The following LRGUK variants were observed in gnomAD, a reference collection of about 807,000 sequenced individuals.
LRGUK encodes the protein leucine-rich repeat and guanylate kinase domain-containing protein.
In LRGUK, 65 loss-of-function variants were observed where a neutral mutation model predicts 76.0. The observed-to-expected ratio is 0.85, with a 90% CI of 0.70 to 1.05. The LOEUF (loss-of-function observed/expected upper bound fraction) is 1.05. Ranked by LOEUF, LRGUK falls within the 50% of genes least tolerant of loss-of-function variation. LRGUK has a pLI of 0.00. For synonymous variants in LRGUK, 268 were observed against 265.6 expected (o/e 1.01, Z -0.09); for missense variants, 758 against 732.8 (o/e 1.03, Z -0.40).
chr7:134,132,224 A>G (rs1797341822), intron 1 of LRGUK, among the ~76,000 whole-genome samples: 1 of 152,112 alleles, frequency 6.6e-6, no homozygotes, highest in South Asian at 2.1e-4. Flanking sequence ...CCATAGTGGT[A>G]TGCACCTGTA....
At chr7:134,202,393 A>C (rs935057013) in intron 15 of LRGUK, among the ~76,000 whole-genome samples, 1 of 152,052 alleles carries the variant, frequency 6.6e-6, no homozygotes, top group Non-Finnish European at 1.5e-5. Flanking sequence ...TATTGGCAGG[A>C]GTGTAAAATG....
At chr7:134,275,221 A>G in the LRGUK span, among the ~76,000 whole-genome samples, 80 of 152,090 alleles carry the variant, frequency 5.3e-4, no homozygotes, top group Non-Finnish European at 1.1e-3. Flanking sequence ...TTTTTTTCAA[A>G]TACATCTTTA....
chr7:134,129,142 CCCTT>C (rs146209989), intron 1 of LRGUK, among the ~76,000 whole-genome samples: 1,981 of 123,830 alleles, frequency 0.016, 58 homozygotes, highest in African/African-American at 0.056. Flanking sequence ...CTCCCTCCCT[CCCTT>C]CCTTCCTCTT....
chr7:134,231,588 CT>C (rs1288814927), intron 16 of LRGUK, among the ~76,000 whole-genome samples: 4 of 129,336 alleles, frequency 3.1e-5, no homozygotes, highest in African/African-American at 1.2e-4. Flanking sequence ...TTCTCCCTCC[CT>C]TCCTCCCTTC....
At chr7:134,217,332 G>A (rs578054312) in intron 15 of LRGUK, among the ~76,000 whole-genome samples, 1 of 152,116 alleles carries the variant, frequency 6.6e-6, no homozygotes, top group South Asian at 2.1e-4. Context: ...ATGTAAATGT[G>A]TATGTTTTCC....
intron 16 of LRGUK, among the ~76,000 whole-genome samples, chr7:134,237,389 A>G (rs1489302149): frequency 6.6e-6 from 1 of 152,104 alleles, no homozygotes; most frequent in Admixed American, 6.5e-5. Context: ...GCTCCCTTTT[A>G]TTCTCTGAAG....
intron 15 of LRGUK, among the ~76,000 whole-genome samples, chr7:134,217,303 A>G (rs2117144306): frequency 6.6e-6 from 1 of 152,048 alleles, no homozygotes; most frequent in Middle Eastern, 3.4e-3. Flanking sequence ...ACGTTTTTGT[A>G]CTTTATTTGC....
chr7:134,155,045 C>T (rs1269506629), intron 5 of LRGUK, among the ~76,000 whole-genome samples: 1 of 152,110 alleles, frequency 6.6e-6, no homozygotes, highest in Non-Finnish European at 1.5e-5. Flanking sequence ...TTCAGAGTAT[C>T]TTCATCTTGG....
intron 16 of LRGUK, among the ~76,000 whole-genome samples, chr7:134,243,058 A>T (rs1802204628): frequency 6.6e-6 from 1 of 152,216 alleles, no homozygotes; most frequent in East Asian, 1.9e-4. Flanking sequence ...ATATCTCAAA[A>T]TAATAAGAGC....
chr7:134,157,369 G>A (rs7785278), intron 5 of LRGUK, among the ~76,000 whole-genome samples: 19,676 of 152,154 alleles, frequency 0.13, 1,606 homozygotes, highest in East Asian at 0.32. Context: ...GGGTGATCTG[G>A]TAGTCAGAAG....
chr7:134,236,648 G>A (rs553851653), intron 16 of LRGUK, among the ~76,000 whole-genome samples: 24 of 152,320 alleles, frequency 1.6e-4, no homozygotes, highest in African/African-American at 5.5e-4. Context: ...GATAACATCT[G>A]TTTTTCTCTT....
chr7:134,182,663 A>T (rs527661930), intron 10 of LRGUK, among the ~76,000 whole-genome samples: 1 of 152,292 alleles, frequency 6.6e-6, no homozygotes, highest in Non-Finnish European at 1.5e-5. Flanking sequence ...GTGGTTTTTT[A>T]AAATTTTATA....
rs1802243767 is a variant in LRGUK at position 134,244,520 on chromosome 7, G to T, written c.1984-3036G>T. Among the ~76,000 whole-genome samples the T allele has an allele frequency of 2.0e-5, 3 of 152,328 alleles. No individual in the cohort carries two copies. The South Asian group carries it at 6.2e-4, about 32-fold the overall frequency. ...CACAATGAGATACCATCTCACACCA[G>T]TTAGAATGGTGATCATTAAAAAGTC... is the stretch of plus-strand genomic sequence containing the variant. On this transcript the variant is annotated intron_variant, in intron 16 of 19. Coordinates refer to the LRGUK transcript ENST00000285928.
At chr7:134,204,536 C>CT (rs1255119752) in intron 15 of LRGUK, among the ~76,000 whole-genome samples, 1 of 152,168 alleles carries the variant, frequency 6.6e-6, no homozygotes, top group African/African-American at 2.4e-5. Flanking sequence ...CTCAAGGCCC[C>CT]TTTGTTTTTT....
At chr7:134,265,046 T>C (rs1443864348), downstream of LRGUK, among the ~76,000 whole-genome samples, 1 of 152,118 alleles carries the variant, frequency 6.6e-6, no homozygotes, top group Non-Finnish European at 1.5e-5. Flanking sequence ...AGTTCCTTTC[T>C]TGGGGTTGGT....
At chr7:134,154,548 G>T (rs985422588) in intron 5 of LRGUK, among the ~76,000 whole-genome samples, 1 of 152,212 alleles carries the variant, frequency 6.6e-6, no homozygotes, top group Non-Finnish European at 1.5e-5. Context: ...TCTTTACTCA[G>T]GAGCCTGATT....
At chr7:134,127,911 T>G (rs1215711205) in intron 1 of LRGUK, among the ~76,000 whole-genome samples, 2 of 152,098 alleles carry the variant, frequency 1.3e-5, no homozygotes, top group Non-Finnish European at 2.9e-5. Flanking sequence ...TTCTTATGAG[T>G]CGAGTTAACA....
chr7:134,231,960 CACTT>C (rs1291190846), intron 16 of LRGUK, among the ~76,000 whole-genome samples: 1 of 151,908 alleles, frequency 6.6e-6, no homozygotes, highest in East Asian at 1.9e-4. Flanking sequence ...CCCATTTCCT[CACTT>C]ATTTATTTAT....
rs183794783 is a variant in LRGUK, at chr7:134,262,388, A to G, written c.2348-1457A>G. Among the ~76,000 whole-genome samples, 134 of 152,334 alleles carry G rather than the reference A, an allele frequency of 8.8e-4. 1 individual carries two copies. Among genetic ancestry groups the G allele is most frequent in the African/African-American group, 3.1e-3 (129 of 41,582 alleles). On this transcript the variant is annotated intron_variant, in intron 19 of 19. Transcript: ENST00000285928. ...GACTCTGTCTCAAAAATAAATAAAA[A>G]TAAAGTCAAATATACTGGTTTGTAA... is the stretch of plus-strand genomic sequence containing the variant.
Sources: gnomAD v4.1 joint callset for allele counts (sites outside exome capture counted in the v4.1 genomes callset) on GRCh38, gnomAD v4.1.1 for gene constraint, MANE v1.5 for transcripts, NCBI Gene and HGNC (gene_info 2026-07-23, HGNC 2026-07-21) for gene names.